Variants in SLC12A8 observed in about 807,000 individuals in gnomAD.
The protein encoded by SLC12A8 is cation-chloride cotransporter 9.
SLC12A8 carries 69 observed loss-of-function variants against 75.6 expected under a neutral mutation model. The observed-to-expected ratio is 0.91, with a 90% CI of 0.75 to 1.11. SLC12A8 has a LOEUF of 1.11. Ranked by LOEUF, SLC12A8 falls within the 50% of genes most tolerant of loss-of-function variation. SLC12A8 has a pLI of 0.00. For missense variants in SLC12A8, 877 were observed against 896.7 expected (o/e 0.98, Z 0.28); for synonymous variants, 365 against 372.8 (o/e 0.98, Z 0.24).
chr3:125,172,406 A>G (rs977301226), intron 5 of SLC12A8, among the ~76,000 whole-genome samples: 3 of 152,082 alleles, frequency 2.0e-5, no homozygotes, highest in African/African-American at 7.2e-5. Context: ...TAAGGATACT[A>G]AAACAGCTCT....
chr3:125,152,417 A>T (rs911440762), intron 5 of SLC12A8, among the ~76,000 whole-genome samples: 4 of 152,128 alleles, frequency 2.6e-5, no homozygotes, highest in African/African-American at 9.7e-5. Flanking sequence ...TATTTTATTT[A>T]CTTTAGAATG....
At chr3:125,125,999 C>T (rs879797322) in intron 6 of SLC12A8, 120 of 872,936 alleles carry the variant, frequency 1.4e-4, no homozygotes, top group Non-Finnish European at 1.5e-4. Flanking sequence ...GGGTTTTAAA[C>T]GCCAATTCCA....
At chr3:125,194,646 AC>A (rs1174547786) in intron 2 of SLC12A8, among the ~76,000 whole-genome samples, 8 of 152,306 alleles carry the variant, frequency 5.3e-5, no homozygotes, top group African/African-American at 1.9e-4. Context: ...GTCAGATGAC[AC>A]CTTTTCTCCT....
chr3:125,150,413 G>A (rs564569041), intron 5 of SLC12A8, among the ~76,000 whole-genome samples: 127 of 152,316 alleles, frequency 8.3e-4, no homozygotes, highest in South Asian at 4.8e-3. Context: ...CAATGTGTGA[G>A]TCAAATTAAC....
At chr3:125,102,904 G>A (rs1343918392) in intron 10 of SLC12A8, among the ~76,000 whole-genome samples, 7 of 152,170 alleles carry the variant, frequency 4.6e-5, no homozygotes, top group Non-Finnish European at 8.8e-5. Context: ...CTGGCAGGGA[G>A]CAGCCCAGTT....
chr3:125,205,794 C>T (rs1472767939), intron 2 of SLC12A8, among the ~76,000 whole-genome samples: 2 of 152,096 alleles, frequency 1.3e-5, no homozygotes, highest in Admixed American at 6.5e-5. Flanking sequence ...TTTCTATTTG[C>T]AATTTGTATC....
chr3:125,203,186 C>T (rs991660407), intron 2 of SLC12A8, among the ~76,000 whole-genome samples: 2 of 151,216 alleles, frequency 1.3e-5, no homozygotes, highest in Non-Finnish European at 2.9e-5. Flanking sequence ...AATACAATCC[C>T]TATTGAAATA....
chr3:125,190,100 A>G lies in SLC12A8; in HGVS notation c.198+275T>C, dbSNP rs1447148561. ...GCCATCAATCTGATCTCTCTGACCC[A>G]TCTCAAGTCCGGCTCATGATGAGCC... On this transcript the variant is annotated intron_variant, in intron 3 of 13. Coordinates refer to ENST00000469902, the MANE Select transcript of SLC12A8 (RefSeq NM_024628.6). Among the ~76,000 whole-genome samples, 4 of 152,226 alleles carry G rather than the reference A, an allele frequency of 2.6e-5. No homozygotes were observed. The South Asian group carries it at 6.2e-4, about 24-fold the overall frequency.
chr3:125,117,245 C>A (rs1373704195), intron 8 of SLC12A8, among the ~76,000 whole-genome samples: 2 of 152,080 alleles, frequency 1.3e-5, no homozygotes, highest in African/African-American at 4.8e-5. Flanking sequence ...CACTGGCCCT[C>A]CATTAAGACC....
chr3:125,190,860 T>C (rs1934897571), intron 2 of SLC12A8, among the ~76,000 whole-genome samples: 1 of 152,202 alleles, frequency 6.6e-6, no homozygotes, highest in African/African-American at 2.4e-5. Flanking sequence ...CCCAGCCTCT[T>C]TGCAGCTAGA....
intron 5 of SLC12A8, among the ~76,000 whole-genome samples, chr3:125,170,090 G>T (rs1934377072): frequency 1.3e-5 from 2 of 152,014 alleles, no homozygotes; most frequent in South Asian, 4.2e-4. Context: ...AAAAGAAAAA[G>T]ATTACATTTT....
chr3:125,100,841 G>A (rs1483854969), intron 10 of SLC12A8, among the ~76,000 whole-genome samples: 14 of 147,328 alleles, frequency 9.5e-5, no homozygotes, highest in African/African-American at 1.5e-4. Context: ...GTGAAACCCC[G>A]TCTCTACTAA....
At chr3:125,094,478 C>T (rs1287599378) in intron 10 of SLC12A8, among the ~76,000 whole-genome samples, 1 of 152,180 alleles carries the variant, frequency 6.6e-6, no homozygotes, top group Non-Finnish European at 1.5e-5. Flanking sequence ...ACCCTCTATT[C>T]TGCCTTCCTT....
chr3:125,182,697 A>G (rs1375116631), intron 4 of SLC12A8, among the ~76,000 whole-genome samples: 1 of 152,096 alleles, frequency 6.6e-6, no homozygotes, highest in African/African-American at 2.4e-5. Context: ...TAGTAGGGAC[A>G]GGGTTTCACC....
chr3:125,116,748 T>C (rs1939320954), intron 8 of SLC12A8, among the ~76,000 whole-genome samples: 1 of 152,044 alleles, frequency 6.6e-6, no homozygotes, highest in African/African-American at 2.4e-5. Context: ...AAGGAAAGCA[T>C]GAGAAAGGAA....
intron 5 of SLC12A8, among the ~76,000 whole-genome samples, chr3:125,167,469 G>A (rs955520314): frequency 6.6e-6 from 1 of 152,194 alleles, no homozygotes; most frequent in Non-Finnish European, 1.5e-5. Context: ...CAAGGAACCA[G>A]AGTCCCAAAT....
At chr3:125,138,875 C>G (rs1933559621) in intron 5 of SLC12A8, among the ~76,000 whole-genome samples, 1 of 150,204 alleles carries the variant, frequency 6.7e-6, no homozygotes, top group South Asian at 2.1e-4. Flanking sequence ...CACACACACA[C>G]ACACACACAC....
At chr3:125,184,272 G>T (rs1411621064) in intron 4 of SLC12A8, among the ~76,000 whole-genome samples, 2 of 152,088 alleles carry the variant, frequency 1.3e-5, no homozygotes, top group Non-Finnish European at 2.9e-5. Flanking sequence ...CGCCCGACCT[G>T]CAAGCTTTTA....
chr3:125,198,444 C>A (rs1935048426), intron 2 of SLC12A8, among the ~76,000 whole-genome samples: 1 of 151,956 alleles, frequency 6.6e-6, no homozygotes, highest in South Asian at 2.1e-4. Flanking sequence ...ACCAGCCTGG[C>A]CAATATGGTG....
Sources: gnomAD v4.1 joint callset for allele counts (sites outside exome capture counted in the v4.1 genomes callset) on GRCh38, gnomAD v4.1.1 for gene constraint, MANE v1.5 for transcripts, NCBI Gene and HGNC (gene_info 2026-07-23, HGNC 2026-07-21) for gene names.